Variants in MAST4 observed in about 807,000 individuals in gnomAD.
MAST4 encodes microtubule associated serine/threonine kinase family member 4.
Under a neutral mutation model 162.7 loss-of-function variants are expected in MAST4, and 89 were observed. That is an observed-to-expected ratio of 0.55 (90% CI 0.46 to 0.65). The LOEUF (loss-of-function observed/expected upper bound fraction) is 0.65. Among genes scored for constraint, MAST4 ranks in the 30% least tolerant of loss-of-function variants. The pLI is 0.00. For synonymous variants in MAST4, 1,479 were observed against 1,361.1 expected, an observed-to-expected ratio of 1.09 and a Z score of -1.91; for missense variants, 3,153 against 3,374.0, an observed-to-expected ratio of 0.93 and a Z score of 1.62.
chr5:66,969,522 G>A (rs151177637), intron 4 of MAST4, among the ~76,000 whole-genome samples: 343 of 152,304 alleles, frequency 2.3e-3, no homozygotes, highest in African/African-American at 7.7e-3. Flanking sequence ...GTGATGGGCA[G>A]GAAAGGTAGA....
chr5:66,940,118 T>TAC (rs1054783117), intron 4 of MAST4, among the ~76,000 whole-genome samples: 27 of 152,198 alleles, frequency 1.8e-4, no homozygotes, highest in African/African-American at 6.3e-4. Flanking sequence ...TGTATGTATA[T>TAC]ACACACACAC....
intron 4 of MAST4, among the ~76,000 whole-genome samples, chr5:67,000,874 T>A (rs1399725265): frequency 2.6e-5 from 4 of 152,208 alleles, no homozygotes; most frequent in African/African-American, 7.2e-5. Flanking sequence ...GACCCTTTCT[T>A]AAATACTTAT....
intron 4 of MAST4, among the ~76,000 whole-genome samples, chr5:66,997,044 A>G (rs541630301): frequency 6.6e-6 from 1 of 152,286 alleles, no homozygotes; most frequent in South Asian, 2.1e-4. Context: ...TCCCAACATT[A>G]TGCTATTATA....
At chr5:66,716,693 T>C (rs1449970440) in intron 1 of MAST4, among the ~76,000 whole-genome samples, 7 of 152,208 alleles carry the variant, frequency 4.6e-5, no homozygotes, top group East Asian at 3.9e-4. Context: ...TTAGAAGATA[T>C]ATGGATTTTA....
At chr5:66,882,213 G>C (rs969030303) in intron 3 of MAST4, among the ~76,000 whole-genome samples, 6 of 152,022 alleles carry the variant, frequency 3.9e-5, no homozygotes, top group Admixed American at 3.9e-4. Context: ...CCCAAGTGTG[G>C]TTTTCCTTGA....
At chr5:66,755,822 T>G (rs1753502128) in intron 1 of MAST4, among the ~76,000 whole-genome samples, 1 of 152,226 alleles carries the variant, frequency 6.6e-6, no homozygotes, top group Non-Finnish European at 1.5e-5. Context: ...ATACAGTACA[T>G]TGCTATTAAA....
chr5:66,709,631 T>TA (rs1266567150), intron 1 of MAST4, among the ~76,000 whole-genome samples: 1 of 152,208 alleles, frequency 6.6e-6, no homozygotes, highest in African/African-American at 2.4e-5. Flanking sequence ...AAATGAATGT[T>TA]AAAGGCCAAA....
intron 11 of MAST4, among the ~76,000 whole-genome samples, chr5:67,112,089 G>C (rs74478013): frequency 0.024 from 3,710 of 151,562 alleles, 140 homozygotes; most frequent in East Asian, 0.18. Flanking sequence ...AAACTCCTGA[G>C]TAATTCTCAG....
intron 1 of MAST4, among the ~76,000 whole-genome samples, chr5:66,620,144 A>G (rs1743982888): frequency 6.6e-6 from 1 of 151,074 alleles, no homozygotes; most frequent in African/African-American, 2.4e-5. Context: ...AAAATATTCT[A>G]TAGGACACAT....
At chr5:66,749,540 A>G (rs2149589502) in intron 1 of MAST4, among the ~76,000 whole-genome samples, 1 of 152,346 alleles carries the variant, frequency 6.6e-6, no homozygotes, top group Non-Finnish European at 1.5e-5. Context: ...TTCCTTGTGA[A>G]CCATTGATGA....
At chr5:66,625,691 G>C (rs1035155818) in intron 1 of MAST4, among the ~76,000 whole-genome samples, 5 of 152,120 alleles carry the variant, frequency 3.3e-5, no homozygotes, top group South Asian at 2.1e-4. Context: ...ACACAGCTGG[G>C]AATGTAAATT....
intron 22 of MAST4, 135 bp from the exon 23 acceptor site, chr5:67,145,009 C>T: frequency 1.1e-6 from 1 of 881,776 alleles, no homozygotes; most frequent in Non-Finnish European, 1.8e-6. Context: ...GGGTACCACA[C>T]ATTAAGAACC....
chr5:66,836,096 G>A (rs896707180), intron 3 of MAST4, among the ~76,000 whole-genome samples: 2 of 152,052 alleles, frequency 1.3e-5, no homozygotes, highest in Admixed American at 1.3e-4. Flanking sequence ...GCTTGAGCCT[G>A]GGAGGTTGAA....
chr5:66,959,956 A>G (rs1020346345), intron 4 of MAST4, among the ~76,000 whole-genome samples: 1 of 152,188 alleles, frequency 6.6e-6, no homozygotes, highest in Admixed American at 6.5e-5. Flanking sequence ...CAGAAGTTAG[A>G]CATCTGTGAT....
chr5:66,977,202 G>A (rs964678305), intron 4 of MAST4, among the ~76,000 whole-genome samples: 3 of 152,190 alleles, frequency 2.0e-5, no homozygotes, highest in African/African-American at 7.2e-5. Context: ...CTGGGTTCAA[G>A]CGATTCTTCT....
At chr5:66,638,154 CAGCT>C in intron 1 of MAST4, among the ~76,000 whole-genome samples, 1 of 152,306 alleles carries the variant, frequency 6.6e-6, no homozygotes, top group South Asian at 2.1e-4. Context: ...ACACTTGTGG[CAGCT>C]CCTACTCAGG....
At chr5:66,701,677 C>T (rs753369818) in intron 1 of MAST4, among the ~76,000 whole-genome samples, 8 of 152,164 alleles carry the variant, frequency 5.3e-5, no homozygotes, top group African/African-American at 1.4e-4. Flanking sequence ...TGGAAAAAGT[C>T]GTGCATTTGA....
At chr5:67,158,036 T>C (rs781268917) in intron 26 of MAST4, among the ~76,000 whole-genome samples, 1 of 152,146 alleles carries the variant, frequency 6.6e-6, no homozygotes, top group Non-Finnish European at 1.5e-5. Flanking sequence ...ACTCTCTGCA[T>C]ATGGAAGAGG....
In MAST4 at chr5:66,607,948, A is replaced by G. The variant is rs572172014; in HGVS notation, c.363+10930A>G. Among the ~76,000 whole-genome samples the G allele has an allele frequency of 3.9e-5, 6 of 152,288 alleles. No homozygotes were observed. The Middle Eastern group carries it at 0.014, about 345-fold the overall frequency. Reference sequence around the variant, plus strand: ...ACCTAGCTTTATTAAAGTATAATTGACAAAAATGTATATATTTATGGTGTA... The same window carrying G: ...ACCTAGCTTTATTAAAGTATAATTGGCAAAAATGTATATATTTATGGTGTA... On this transcript the variant is annotated intron_variant, in intron 1 of 28. Transcript: ENST00000403625.
Sources: gnomAD v4.1 joint callset for allele counts (sites outside exome capture counted in the v4.1 genomes callset) on GRCh38, gnomAD v4.1.1 for gene constraint, MANE v1.5 for transcripts, NCBI Gene and HGNC (gene_info 2026-07-23, HGNC 2026-07-21) for gene names.